Variants in CDH18 observed in about 807,000 individuals in gnomAD.
The protein encoded by CDH18 is cadherin-18.
Under a neutral mutation model 67.9 loss-of-function variants are expected in CDH18, and 31 were observed. The observed-to-expected ratio is 0.46, with a 90% CI of 0.34 to 0.62. The LOEUF (loss-of-function observed/expected upper bound fraction) is 0.62, where lower values mean the gene tolerates loss of function less well. CDH18 is among the 20% of genes least tolerant of loss of function. CDH18 has a pLI of 0.01. For missense variants in CDH18, 890 were observed against 975.5 expected (o/e 0.91, Z 1.17); for synonymous variants, 362 against 347.2 (o/e 1.04, Z -0.48).
Position 20,423,674 on chromosome 5 carries a change from G to A in CDH18, c.-580+151788C>T, listed in dbSNP as rs541014283. Among the ~76,000 whole-genome samples the A allele has an allele frequency of 5.3e-5, 8 of 150,918 alleles. No homozygotes were observed. The South Asian group carries it at 1.2e-3, about 24-fold the overall frequency. Reference sequence around the variant, plus strand: ...AAAAATTTTCCTAGAGGCCGGGCGCGGTGGCTCATGCCTGTAATCCCAGCA... The same window carrying A: ...AAAAATTTTCCTAGAGGCCGGGCGCAGTGGCTCATGCCTGTAATCCCAGCA... On this transcript the variant is annotated intron_variant, in intron 1 of 14. Coordinates refer to the CDH18 transcript ENST00000507958.
intron 6 of CDH18, among the ~76,000 whole-genome samples, chr5:19,603,024 TG>T (rs1747407301): frequency 6.6e-6 from 1 of 152,110 alleles, no homozygotes; most frequent in East Asian, 1.9e-4. Flanking sequence ...ATTCCGCTTC[TG>T]GATATATACT....
intron 2 of CDH18, among the ~76,000 whole-genome samples, chr5:20,013,483 C>A (rs761147494): frequency 1.3e-5 from 2 of 151,884 alleles, no homozygotes; most frequent in South Asian, 2.1e-4. Flanking sequence ...TGTCTTTGAA[C>A]TTTTTTTTGT....
chr5:20,438,727 C>T (rs561271306), intron 1 of CDH18, among the ~76,000 whole-genome samples: 1 of 151,334 alleles, frequency 6.6e-6, no homozygotes, highest in Non-Finnish European at 1.5e-5. Flanking sequence ...GCTACATGTA[C>T]CTTCTATTGC....
At chr5:19,874,524 C>T (rs544622317) in intron 2 of CDH18, among the ~76,000 whole-genome samples, 3 of 152,284 alleles carry the variant, frequency 2.0e-5, no homozygotes, top group South Asian at 4.1e-4. Flanking sequence ...CCTTCTCGAT[C>T]CTATAGTCTA....
intron 4 of CDH18, among the ~76,000 whole-genome samples, chr5:19,728,107 T>C (rs2150615471): frequency 6.6e-6 from 1 of 152,288 alleles, no homozygotes; most frequent in East Asian, 1.9e-4. Flanking sequence ...AATTCCATTA[T>C]TCCACCAGAA....
chr5:19,981,203 T>G (rs955758537), intron 1 of CDH18, 25 bp from the exon 2 acceptor site: 5 of 152,306 alleles, frequency 3.3e-5, no homozygotes, highest in Non-Finnish European at 7.4e-5. Context: ...CAAGAGTTTC[T>G]TGTTGAAATA....
At position 19,952,628 on chromosome 5, in the gene CDH18, A is replaced by T. The variant is rs577301040; in HGVS notation, c.-257+28432T>A. Among the ~76,000 whole-genome samples the T allele has an allele frequency of 1.8e-4, 28 of 152,322 alleles. 1 individual carries two copies. In the South Asian group the frequency reaches 5.6e-3, roughly 30 times the overall value. On this transcript the variant is annotated intron_variant, in intron 2 of 12. Transcript: ENST00000382275. The stretch of plus-strand genomic sequence containing the variant: ...AACATATTAATATCCTTAAAAATAA[A>T]ACTATTTTGCTGAAATAACTTGTGA...
At chr5:20,256,990 A>G (rs1239177170) in intron 1 of CDH18, among the ~76,000 whole-genome samples, 1 of 128,502 alleles carries the variant, frequency 7.8e-6, no homozygotes, top group Non-Finnish European at 1.7e-5. Context: ...ATCTATATCT[A>G]TCTATCTATC....
chr5:19,627,985 T>G (rs530283385), intron 5 of CDH18, among the ~76,000 whole-genome samples: 1 of 152,270 alleles, frequency 6.6e-6, no homozygotes, highest in East Asian at 1.9e-4. Context: ...TGGCAAGTTT[T>G]GAGCAGAGGA....
Position 19,482,123 on chromosome 5 carries a change from A to T in CDH18, c.1882+1178T>A, listed in dbSNP as rs962217441. On this transcript the variant is annotated intron_variant, in intron 12 of 12. Transcript: ENST00000382275. The stretch of plus-strand genomic sequence containing the variant: ...AAAAAATTTATTTTATTTTATTATT[A>T]TTATTTTTTTGAGACTGAGTCTCAC... Among the ~76,000 whole-genome samples, 9 of 151,260 alleles carry T rather than the reference A, an allele frequency of 6.0e-5. No individual in the cohort carries two copies. The South Asian group carries it at 6.3e-4, about 11-fold the overall frequency.
At chr5:20,575,247 T>G (rs550972422) in intron 1 of CDH18, among the ~76,000 whole-genome samples, 276 of 151,200 alleles carry the variant, frequency 1.8e-3, no homozygotes, top group African/African-American at 6.0e-3. Context: ...ACCTTATTTT[T>G]GAAAAAAAAA....
At chr5:20,056,289 C>G (rs1308679149) in intron 2 of CDH18, among the ~76,000 whole-genome samples, 3 of 149,508 alleles carry the variant, frequency 2.0e-5, no homozygotes, top group African/African-American at 7.3e-5. Context: ...CAGGCATGAG[C>G]CACCACACGC....
chr5:20,298,489 C>A (rs968524112), intron 1 of CDH18, among the ~76,000 whole-genome samples: 2 of 152,042 alleles, frequency 1.3e-5, no homozygotes, highest in Non-Finnish European at 2.9e-5. Flanking sequence ...TTATCTTATT[C>A]CTCATAATTA....
At chr5:19,506,918 C>T (rs1744275574) in intron 10 of CDH18, among the ~76,000 whole-genome samples, 1 of 152,124 alleles carries the variant, frequency 6.6e-6, no homozygotes, top group African/African-American at 2.4e-5. Context: ...TCTAATTAAA[C>T]TAAAGAGCTT....
At chr5:19,875,910 C>T in intron 2 of CDH18, among the ~76,000 whole-genome samples, 1 of 151,096 alleles carries the variant, frequency 6.6e-6, no homozygotes, top group South Asian at 2.1e-4. Flanking sequence ...TTTTTATACA[C>T]AGACTACATC....
At chr5:19,513,666 TATC>T in intron 10 of CDH18, among the ~76,000 whole-genome samples, 1 of 152,148 alleles carries the variant, frequency 6.6e-6, no homozygotes. Flanking sequence ...TGCATTATTT[TATC>T]TTCTTTATTA....
intron 2 of CDH18, among the ~76,000 whole-genome samples, chr5:19,912,986 G>C (rs1438460945): frequency 6.6e-6 from 1 of 152,036 alleles, no homozygotes; most frequent in Non-Finnish European, 1.5e-5. Context: ...TGAAGCATTT[G>C]GTCAGAAAAG....
chr5:20,036,226 T>C (rs2150462003), intron 2 of CDH18, among the ~76,000 whole-genome samples: 1 of 152,128 alleles, frequency 6.6e-6, no homozygotes, highest in South Asian at 2.1e-4. Context: ...AGCTTACATG[T>C]CAAACAGACT....
intron 1 of CDH18, among the ~76,000 whole-genome samples, chr5:20,409,754 GACTA>G (rs1201257577): frequency 3.3e-5 from 5 of 151,286 alleles, no homozygotes; most frequent in East Asian, 1.9e-4. Context: ...TCCTTAGCTA[GACTA>G]ACTAAGAATA....
Sources: allele counts gnomAD v4.1 joint callset (sites outside exome capture counted in the v4.1 genomes callset), GRCh38; gene constraint gnomAD v4.1.1; transcripts MANE v1.5; gene names NCBI Gene and HGNC (gene_info 2026-07-23, HGNC 2026-07-21).